PRKN: variants seen among roughly 807,000 people sequenced by gnomAD.
PRKN encodes the protein E3 ubiquitin-protein ligase parkin.
PRKN carries 56 observed loss-of-function variants against 59.5 expected under a neutral mutation model. The observed-to-expected ratio is 0.94, with a 90% confidence interval of 0.76 to 1.18. The LOEUF (loss-of-function observed/expected upper bound fraction) is 1.18. Ranked by LOEUF, PRKN falls within the 50% of genes most tolerant of loss-of-function variation. PRKN has a pLI of 0.00. For missense variants in PRKN, 657 were observed against 596.4 expected (o/e 1.10, Z -1.06); for synonymous variants, 250 against 222.1 (o/e 1.13, Z -1.12).
intron 8 of PRKN, among the ~76,000 whole-genome samples, chr6:161,555,112 T>C (rs180728757): frequency 1.7e-4 from 26 of 152,298 alleles, no homozygotes; most frequent in Admixed American, 1.1e-3. Flanking sequence ...TCACTTCTAA[T>C]TCCAACAGCT....
intron 8 of PRKN, among the ~76,000 whole-genome samples, chr6:161,567,382 A>G (rs1297490863): frequency 6.6e-6 from 1 of 152,050 alleles, no homozygotes; most frequent in Non-Finnish European, 1.5e-5. Flanking sequence ...CTCCATAGCA[A>G]TGATAGCCAT....
At chr6:162,078,543 T>C (rs1262702179) in intron 4 of PRKN, among the ~76,000 whole-genome samples, 7 of 152,060 alleles carry the variant, frequency 4.6e-5, no homozygotes, top group Admixed American at 4.6e-4. Flanking sequence ...TTCTCTTACC[T>C]AAGGCCAAGA....
At position 161,371,734 on chromosome 6, in the gene PRKN, G is replaced by A. The variant is rs111916796; in HGVS notation, c.1168-11529C>T. 4.8e-3 allele frequency among the ~76,000 whole-genome samples: 724 copies of A among 152,262 alleles called. 9 individuals are homozygous for A. The highest frequency in any genetic ancestry group is 0.016 in the African/African-American group (662 of 41,560). ...GCTCACTACAACCTCCACCTCCTGG[G>A]TTCAAGCGATTCTCATGCCTCAGCC... On this transcript the variant is annotated intron_variant, in intron 10 of 11. Coordinates refer to ENST00000366898, the MANE Select transcript of PRKN (RefSeq NM_004562.3). The surrounding 1 kb of genome is among the most constrained non-coding windows in gnomAD (Gnocchi z 5.5).
At chr6:161,959,443 C>T (rs761274014) in intron 6 of PRKN, among the ~76,000 whole-genome samples, 2 of 152,240 alleles carry the variant, frequency 1.3e-5, no homozygotes, top group Non-Finnish European at 2.9e-5. Flanking sequence ...GCCTCTGCAG[C>T]AGCCACATAT....
At chr6:162,596,118 C>G (rs1038272082) in intron 1 of PRKN, among the ~76,000 whole-genome samples, 7 of 152,010 alleles carry the variant, frequency 4.6e-5, no homozygotes, top group African/African-American at 1.7e-4. Flanking sequence ...CAAAGCAGGT[C>G]AAATAACAAC....
chr6:162,485,884 G>T (rs1381163307), intron 1 of PRKN, among the ~76,000 whole-genome samples: 1 of 152,134 alleles, frequency 6.6e-6, no homozygotes, highest in African/African-American at 2.4e-5. Flanking sequence ...GGAGCTAAAG[G>T]CTTGTTAGAA....
intron 9 of PRKN, among the ~76,000 whole-genome samples, chr6:161,426,613 G>A (rs1788369530): frequency 7.1e-6 from 1 of 141,246 alleles, no homozygotes; most frequent in Non-Finnish European, 1.5e-5. Context: ...TTGTGATCAT[G>A]TGAGTTAATA....
At chr6:162,008,844 T>C (rs560686066) in intron 5 of PRKN, among the ~76,000 whole-genome samples, 1 of 152,094 alleles carries the variant, frequency 6.6e-6, no homozygotes, top group Non-Finnish European at 1.5e-5. Flanking sequence ...TAAAGGAATA[T>C]GACTACAGTA....
At chr6:162,299,319 C>T (rs1196925672) in intron 2 of PRKN, among the ~76,000 whole-genome samples, 1 of 152,100 alleles carries the variant, frequency 6.6e-6, no homozygotes, top group Non-Finnish European at 1.5e-5. Flanking sequence ...AGGAGACTTC[C>T]AATCTGAAAC....
chr6:161,889,767 A>G (rs1045973276), intron 6 of PRKN, among the ~76,000 whole-genome samples: 2 of 152,236 alleles, frequency 1.3e-5, no homozygotes, highest in Non-Finnish European at 2.9e-5. Context: ...AATGCATTCA[A>G]TAAATGTAAA....
intron 6 of PRKN, among the ~76,000 whole-genome samples, chr6:161,958,323 C>T (rs1343557011): frequency 2.6e-5 from 4 of 152,030 alleles, no homozygotes; most frequent in African/African-American, 7.2e-5. Flanking sequence ...GCCTGGGAAA[C>T]CATATGAAGA....
At chr6:161,804,934 T>C (rs543477269) in intron 6 of PRKN, among the ~76,000 whole-genome samples, 1 of 152,332 alleles carries the variant, frequency 6.6e-6, no homozygotes, top group East Asian at 1.9e-4. Flanking sequence ...CTTTTATAGA[T>C]AAGAAAGTTG....
chr6:162,449,033 G>GCA (rs1414191145), intron 1 of PRKN, among the ~76,000 whole-genome samples: 3 of 151,694 alleles, frequency 2.0e-5, no homozygotes, highest in Non-Finnish European at 4.4e-5. Flanking sequence ...GATTACAGAT[G>GCA]CCCACCACCA....
In PRKN at chr6:161,679,674, ACC is replaced by A. The variant is rs35685379; in HGVS notation, c.871+106096_871+106097del. 5.8e-4 allele frequency among the ~76,000 whole-genome samples: 38 copies of A among 65,946 alleles called. 1 individual carries two copies. The highest frequency in any genetic ancestry group is 3.2e-3 in the Admixed American group (17 of 5,388). The allele number at this position is 65,946 out of a possible 152,430, so 43.3% of individuals were successfully genotyped here. A position where few individuals can be genotyped will look rare whatever the true frequency, so the allele number is the denominator to read the frequency against. ...GGTACCTTTGGTTTATAATAGAACC[ACC>A]CCCCCCCCTTTTTTTTTTTTAAGAA... On this transcript the variant is annotated intron_variant, in intron 7 of 11. Coordinates refer to ENST00000366898, the MANE Select transcript of PRKN (RefSeq NM_004562.3).
intron 7 of PRKN, among the ~76,000 whole-genome samples, chr6:161,775,367 C>T (rs1348798149): frequency 6.6e-6 from 1 of 152,010 alleles, no homozygotes; most frequent in African/African-American, 2.4e-5. Context: ...CTCAGCTTCC[C>T]AAGTAGCTGA....
At chr6:162,099,159 T>C (rs1779865681) in intron 4 of PRKN, among the ~76,000 whole-genome samples, 1 of 152,188 alleles carries the variant, frequency 6.6e-6, no homozygotes, top group African/African-American at 2.4e-5. Flanking sequence ...GAAATTCCTT[T>C]AAATTCAGCT....
At chr6:161,891,064 G>A (rs1030153464) in intron 6 of PRKN, among the ~76,000 whole-genome samples, 1 of 152,186 alleles carries the variant, frequency 6.6e-6, no homozygotes, top group East Asian at 1.9e-4. Context: ...AATCACCGCT[G>A]TAATAGAACA....
At chr6:161,674,522 A>G (rs1436681791) in intron 7 of PRKN, among the ~76,000 whole-genome samples, 2 of 152,184 alleles carry the variant, frequency 1.3e-5, no homozygotes, top group Non-Finnish European at 2.9e-5. Context: ...ATCACAATGT[A>G]TCATACAATT....
intron 7 of PRKN, among the ~76,000 whole-genome samples, chr6:161,574,175 A>T (rs768281804): frequency 6.6e-6 from 1 of 152,096 alleles, no homozygotes; most frequent in Non-Finnish European, 1.5e-5. Flanking sequence ...TCACAGGGAC[A>T]CTAGTGTGGG....
Sources: allele counts gnomAD v4.1 joint callset (sites outside exome capture counted in the v4.1 genomes callset), GRCh38; gene constraint gnomAD v4.1.1; non-coding constraint Gnocchi (gnomAD v3.1); transcripts MANE v1.5; gene names NCBI Gene and HGNC (gene_info 2026-07-23, HGNC 2026-07-21).